Variants in ASIP observed in about 807,000 individuals in gnomAD.
ASIP encodes agouti signaling protein, also known as agouti-signaling protein.
ASIP carries 11 observed loss-of-function variants against 10.3 expected under a neutral mutation model. The ratio of observed to expected loss-of-function variants is 1.07; its 90% confidence interval spans 0.68 to 1.78. ASIP has a LOEUF of 1.78. ASIP is among the 40% of genes most tolerant of loss of function. ASIP has a pLI of 0.00. For missense variants in ASIP, 180 were observed against 169.2 expected (o/e 1.06, Z -0.35); for synonymous variants, 70 against 70.8 (o/e 0.99, Z 0.06).
chr20:34,190,359 A>C (rs546308583), upstream of ASIP, among the ~76,000 whole-genome samples: 2 of 152,152 alleles, frequency 1.3e-5, no homozygotes, highest in African/African-American at 2.4e-5. Context: ...GCCCCAGAAA[A>C]ATACATAAGA....
chr20:34,257,067 TCTC>T lies in ASIP; in HGVS notation c.-10-3297_-10-3295del, dbSNP rs1378261910. ...TTCTTTCTTTCTCTCTCTCTTTCTT[TCTC>T]TTTTTTTTTTTTGTTTTTTGTTTTT... On this transcript the variant is annotated intron_variant, in intron 1 of 3. Coordinates refer to ENST00000374954, the MANE Select transcript of ASIP (RefSeq NM_001672.3). Among the ~76,000 whole-genome samples, 220 of 87,488 alleles carry T rather than the reference TCTC, an allele frequency of 2.5e-3. 1 individual carries two copies. The highest frequency in any genetic ancestry group is 0.014 in the South Asian group (43 of 2,966). 57.4% of individuals were successfully genotyped at this position (87,488 alleles called of 152,430 possible).
intron 1 of ASIP, among the ~76,000 whole-genome samples, chr20:34,225,631 G>A (rs893169033): frequency 4.9e-4 from 74 of 152,174 alleles, no homozygotes; most frequent in African/African-American, 1.6e-3. Context: ...GAGAAGTCTT[G>A]TTTCGTAATA....
intron 1 of ASIP, among the ~76,000 whole-genome samples, chr20:34,254,211 C>T (rs780164568): frequency 1.3e-5 from 2 of 152,130 alleles, no homozygotes; most frequent in African/African-American, 2.4e-5. Flanking sequence ...TACAGGCATG[C>T]GCCACCACAC....
chr20:34,222,774 A>G (rs79414411), intron 1 of ASIP, among the ~76,000 whole-genome samples: 36,636 of 148,266 alleles, frequency 0.25, 7,447 homozygotes, highest in African/African-American at 0.59. Context: ...GAGTGCCTGC[A>G]ATTGCAGGCA....
chr20:34,226,786 G>T (rs999017124), intron 1 of ASIP, among the ~76,000 whole-genome samples: 4 of 152,064 alleles, frequency 2.6e-5, no homozygotes, highest in African/African-American at 9.7e-5. Flanking sequence ...ATGGGGTCTT[G>T]CTATGTTGAC....
intron 1 of ASIP, chr20:34,215,873 A>C (rs1215902374): frequency 9.1e-7 from 1 of 1,103,272 alleles, no homozygotes; most frequent in Non-Finnish European, 1.4e-6. Flanking sequence ...ATTTAGCCCT[A>C]ATAGAGCCTG....
intron 1 of ASIP, among the ~76,000 whole-genome samples, chr20:34,249,610 C>A (rs1449004419): frequency 6.6e-6 from 1 of 152,074 alleles, no homozygotes; most frequent in Non-Finnish European, 1.5e-5. Context: ...CTCCTGTCAC[C>A]ATCTCTTAAT....
At chr20:34,249,361 TGG>T (rs2035436630) in intron 1 of ASIP, among the ~76,000 whole-genome samples, 1 of 148,558 alleles carries the variant, frequency 6.7e-6, no homozygotes, top group Non-Finnish European at 1.5e-5. Flanking sequence ...CCCAGAGCCC[TGG>T]TTAGACAGCT....
At chr20:34,265,383 G>T (rs1479887691) in intron 3 of ASIP, among the ~76,000 whole-genome samples, 1 of 152,070 alleles carries the variant, frequency 6.6e-6, no homozygotes, top group Admixed American at 6.6e-5. Context: ...AATTAACTGG[G>T]TGTGGTGGTG....
At chr20:34,193,417 CT>C (rs1050678180), upstream of ASIP, among the ~76,000 whole-genome samples, 4 of 151,856 alleles carry the variant, frequency 2.6e-5, no homozygotes, top group African/African-American at 9.7e-5. Context: ...TGGAATTGGC[CT>C]TTTTTTCTTC....
intron 1 of ASIP, among the ~76,000 whole-genome samples, chr20:34,233,927 C>G (rs575193201): frequency 2.7e-4 from 41 of 152,332 alleles, no homozygotes; most frequent in Non-Finnish European, 5.3e-4. Flanking sequence ...CACTCTGCAG[C>G]CAGTCAACAC....
upstream of ASIP, among the ~76,000 whole-genome samples, chr20:34,191,810 A>G (rs182904010): frequency 1.6e-3 from 237 of 148,528 alleles, no homozygotes; most frequent in African/African-American, 5.5e-3. Flanking sequence ...GCTCACTGCA[A>G]CCTCTGCCTC....
intron 1 of ASIP, chr20:34,215,268 T>C: frequency 6.5e-7 from 1 of 1,545,286 alleles, no homozygotes; most frequent in South Asian, 1.1e-5. Context: ...AAGCCCCAAC[T>C]ACTTCAAGGC....
intron 3 of ASIP, among the ~76,000 whole-genome samples, chr20:34,267,505 A>C (rs1420694562): frequency 6.6e-6 from 1 of 150,512 alleles, no homozygotes; most frequent in Non-Finnish European, 1.5e-5. Context: ...TGAGCTACAT[A>C]ATTTTAAATT....
At chr20:34,237,892 C>A (rs1039204926), upstream of ASIP, among the ~76,000 whole-genome samples, 1 of 152,038 alleles carries the variant, frequency 6.6e-6, no homozygotes, top group Non-Finnish European at 1.5e-5. Flanking sequence ...AATGCTTTTC[C>A]TGCATCAATT....
chr20:34,210,275 A>T (rs1266333328), intron 1 of ASIP, among the ~76,000 whole-genome samples: 1 of 152,200 alleles, frequency 6.6e-6, no homozygotes, highest in Non-Finnish European at 1.5e-5. Context: ...GGGAGCCCAG[A>T]CCTGGGAGTT....
At chr20:34,190,679 G>A (rs1197810554), upstream of ASIP, among the ~76,000 whole-genome samples, 2 of 152,140 alleles carry the variant, frequency 1.3e-5, no homozygotes, top group East Asian at 1.9e-4. Flanking sequence ...CAAGGTTTCT[G>A]ATGAGTCTCC....
chr20:34,261,691 A>G (rs2035694967), intron 2 of ASIP, among the ~76,000 whole-genome samples: 1 of 152,008 alleles, frequency 6.6e-6, no homozygotes, highest in Admixed American at 6.6e-5. Context: ...GGTTCCAGCT[A>G]TTTGGGAGGC....
At chr20:34,213,458 CTG>C in intron 1 of ASIP, 4 of 1,181,508 alleles carry the variant, frequency 3.4e-6, no homozygotes, top group Non-Finnish European at 4.8e-6. Flanking sequence ...TAGGTAGAGA[CTG>C]AGACAGTTTT....
Sources: gnomAD v4.1 joint callset for allele counts (sites outside exome capture counted in the v4.1 genomes callset) on GRCh38, gnomAD v4.1.1 for gene constraint, MANE v1.5 for transcripts, NCBI Gene and HGNC (gene_info 2026-07-23, HGNC 2026-07-21) for gene names.